The following KLRC3 variants were observed in gnomAD, a reference collection of about 807,000 sequenced individuals.
KLRC3 encodes the protein NKG2-E type II integral membrane protein.
Under a neutral mutation model 23.6 loss-of-function variants are expected in KLRC3, and 16 were observed. That is an observed-to-expected ratio of 0.68 (90% confidence interval 0.46 to 1.03). The LOEUF is 1.03. Ranked by LOEUF, KLRC3 falls within the 50% of genes least tolerant of loss-of-function variation. KLRC3 has a pLI of 0.00. For missense variants in KLRC3, 209 were observed against 232.2 expected (o/e 0.90, Z 0.65); for synonymous variants, 70 against 71.8 (o/e 0.98, Z 0.13).
Position 10,412,436 on chromosome 12 carries a change from T to A in KLRC3, c.*136A>T. 3.0e-6 allele frequency: 2 copies of A among 657,058 alleles called. No homozygotes were observed. Among genetic ancestry groups the A allele is most frequent in the Non-Finnish European group, 5.4e-6 (2 of 368,918 alleles). The allele number at this position is 657,058 out of a possible 1,614,324, so 40.7% of individuals were successfully genotyped here. ...GGGAAAAGTAATTTTTAAAACATCA[T>A]CTAGTTAAAAATAGGGAGGGCAGAA... On this transcript the variant is annotated 3_prime_UTR_variant, in exon 7 of 7. Transcript: ENST00000396439.
At chr12:10,417,227 T>C (rs1159951664) in intron 4 of KLRC3, among the ~76,000 whole-genome samples, 2 of 151,848 alleles carry the variant, frequency 1.3e-5, no homozygotes, top group African/African-American at 4.9e-5. Flanking sequence ...GATTCGGTTT[T>C]TGTGGAATAA....
At chr12:10,415,451 T>C in intron 6 of KLRC3, 1 of 568,250 alleles carries the variant, frequency 1.8e-6, no homozygotes, top group Admixed American at 3.4e-5. Context: ...ACATGCAACT[T>C]TTAGGAAGCC....
chr12:10,415,606 G>C (rs1428194150), intron 6 of KLRC3, 98 bp downstream of exon 6: 2 of 1,554,876 alleles, frequency 1.3e-6, no homozygotes, highest in Non-Finnish European at 1.7e-6. Flanking sequence ...TCATTTTAAG[G>C]CTTATGCAAT....
In KLRC3 at chr12:10,415,749, A is replaced by G. The variant is rs780173281; in HGVS notation, c.633T>C (p.His211=). ...DHAERNCAML[H]VRGLISDQCG... ...ACTGGTCTGATATAAGTCCACGTAC[A>G]TGTAGCATTGCACAGTTACGTTCAG... The change falls in exon 6 of 7, where the codon CAT becomes CAC. Residue 211 remains histidine (H), a synonymous_variant. Transcript: ENST00000396439. The G allele has an allele frequency of 3.7e-6, 6 of 1,613,270 alleles. No individual in the cohort carries two copies. The African/African-American group carries it at 8.0e-5, about 22-fold the overall frequency.
chr12:10,419,989 T>TG (rs1178402493), intron 1 of KLRC3, 25 bp from the exon 2 acceptor site: 6 of 405,976 alleles, frequency 1.5e-5, no homozygotes, highest in Middle Eastern at 6.4e-4. Context: ...ATAGAGGCAC[T>TG]GAGAGAGGGG....
Position 10,412,324 on chromosome 12 carries a change from T to C in KLRC3, c.*248A>G. 1 of 531,912 alleles carries C rather than the reference T, an allele frequency of 1.9e-6. No homozygotes were observed. Among genetic ancestry groups the C allele is most frequent in the South Asian group, 2.4e-5 (1 of 42,492 alleles). The allele number at this position is 531,912 out of a possible 1,614,324, so 32.9% of individuals were successfully genotyped here. A position where few individuals can be genotyped will look rare whatever the true frequency, so the allele number is the denominator to read the frequency against. On this transcript the variant is annotated 3_prime_UTR_variant, in exon 7 of 7. Transcript: ENST00000396439. ...TAAAAACCACTCATTATATTGTTCATTGATTTATTTTCCAATCATAACGGT... is the reference window on the plus strand; with the variant it reads ...TAAAAACCACTCATTATATTGTTCACTGATTTATTTTCCAATCATAACGGT...
At chr12:10,420,232 A>G (rs1246195709) in intron 1 of KLRC3, 132 bp downstream of exon 1, 4 of 1,074,302 alleles carry the variant, frequency 3.7e-6, no homozygotes, top group African/African-American at 3.2e-5. Flanking sequence ...CTGATTTCAT[A>G]TTAGAATATT....
chr12:10,419,404 T>C (rs555367100), intron 2 of KLRC3: 8 of 178,080 alleles, frequency 4.5e-5, no homozygotes, highest in Admixed American at 1.5e-4. Flanking sequence ...TGTGTATGTA[T>C]ATACATATAT....
At chr12:10,417,382 T>C (rs1863660540) in intron 4 of KLRC3, among the ~76,000 whole-genome samples, 2 of 152,186 alleles carry the variant, frequency 1.3e-5, no homozygotes, top group South Asian at 4.1e-4. Context: ...TCTGGGACCC[T>C]AGCATCAGGG....
At position 10,418,840 on chromosome 12, in the gene KLRC3, G is replaced by C. The variant is rs1018685958; in HGVS notation, c.331+204C>G. ...GCAGTAGGAGACTTCTGTTAATTGGGAGAAAGAGGGTAGAATGATTTTAAG... is the reference window on the plus strand; with the variant it reads ...GCAGTAGGAGACTTCTGTTAATTGGCAGAAAGAGGGTAGAATGATTTTAAG... On this transcript the variant is annotated intron_variant, in intron 3 of 6. Transcript: ENST00000396439. Among the ~76,000 whole-genome samples the C allele has an allele frequency of 3.4e-4, 52 of 152,144 alleles. 1 individual carries two copies. The highest frequency in any genetic ancestry group is 1.2e-3 in the African/African-American group (50 of 41,518).
At chr12:10,414,334 T>C (rs2137855022) in intron 6 of KLRC3, among the ~76,000 whole-genome samples, 1 of 151,960 alleles carries the variant, frequency 6.6e-6, no homozygotes, top group African/African-American at 2.4e-5. Context: ...AAAAGGAATA[T>C]TATAAAACCA....
At chr12:10,417,729 G>A (rs1405960046) in intron 4 of KLRC3, among the ~76,000 whole-genome samples, 2 of 152,182 alleles carry the variant, frequency 1.3e-5, no homozygotes, top group African/African-American at 2.4e-5. Context: ...CCCATCTAGA[G>A]ACATAAGACA....
intron 3 of KLRC3, among the ~76,000 whole-genome samples, chr12:10,418,773 T>A (rs1355701903): frequency 1.3e-5 from 2 of 152,152 alleles, no homozygotes; most frequent in Non-Finnish European, 2.9e-5. Context: ...ACACAACTGC[T>A]TTTTTAGAAT....
At chr12:10,418,596 C>T in intron 3 of KLRC3, 98 bp from the exon 4 acceptor site, 11 of 1,281,104 alleles carry the variant, frequency 8.6e-6, no homozygotes, top group Non-Finnish European at 9.8e-6. Flanking sequence ...ATGTGCTTAA[C>T]ATATTTATGC....
At chr12:10,414,059 A>G (rs1863608116) in intron 6 of KLRC3, among the ~76,000 whole-genome samples, 1 of 152,096 alleles carries the variant, frequency 6.6e-6, no homozygotes, top group African/African-American at 2.4e-5. Flanking sequence ...AAACTTTTTC[A>G]AGTACATAGC....
rs1863587615 is a variant in KLRC3, at chr12:10,412,322, C to A, written c.*250G>T. On this transcript the variant is annotated 3_prime_UTR_variant, in exon 7 of 7. Coordinates refer to ENST00000396439, the MANE Select transcript of KLRC3 (RefSeq NM_002261.3). ...TATAAAAACCACTCATTATATTGTT[C>A]ATTGATTTATTTTCCAATCATAACG... The A allele has an allele frequency of 9.4e-6, 5 of 530,562 alleles. No individual in the cohort carries two copies. The highest frequency in any genetic ancestry group is 2.0e-5 in the African/African-American group (1 of 50,056). The allele number at this position is 530,562 out of a possible 1,614,324, so 32.9% of individuals were successfully genotyped here. A position where few individuals can be genotyped will look rare whatever the true frequency, so the allele number is the denominator to read the frequency against.
At chr12:10,417,371 G>T (rs958048656) in intron 4 of KLRC3, among the ~76,000 whole-genome samples, 4 of 152,064 alleles carry the variant, frequency 2.6e-5, no homozygotes, top group Non-Finnish European at 5.9e-5. Flanking sequence ...AGATGAAATT[G>T]TCTGGGACCC....
Position 10,412,620 on chromosome 12 carries a change from C to CA in KLRC3, c.679-5dup, listed in dbSNP as rs1279277429. On this transcript the variant is annotated splice_region_variant and splice_polypyrimidine_tract_variant and intron_variant, in intron 6 of 6. Coordinates refer to ENST00000396439, the MANE Select transcript of KLRC3 (RefSeq NM_002261.3). ...TCAACATGATGAAACCCCGTCTCTA[C>CA]AAAAAAATACGAAAATTAGCCAGCA... is the stretch of plus-strand genomic sequence containing the variant. The CA allele has an allele frequency of 5.7e-6, 4 of 700,234 alleles. No individual in the cohort carries two copies. Among genetic ancestry groups the CA allele is most frequent in the African/African-American group, 1.8e-5 (1 of 56,892 alleles). 43.4% of individuals were successfully genotyped at this position (700,234 alleles called of 1,614,324 possible). A position where few individuals can be genotyped will look rare whatever the true frequency, so the allele number is the denominator to read the frequency against.
intron 5 of KLRC3, among the ~76,000 whole-genome samples, 192 bp downstream of exon 5, chr12:10,416,471 CAAGA>C (rs1238801657): frequency 3.3e-5 from 5 of 152,212 alleles, no homozygotes; most frequent in African/African-American, 1.2e-4. Flanking sequence ...ATCTCATAAC[CAAGA>C]AAGTTACTAG....
Sources: gnomAD v4.1 joint callset for allele counts (sites outside exome capture counted in the v4.1 genomes callset) on GRCh38, gnomAD v4.1.1 for gene constraint, MANE v1.5 for transcripts, NCBI Gene and HGNC (gene_info 2026-07-23, HGNC 2026-07-21) for gene names.